EPHA6: variants seen among roughly 807,000 people sequenced by gnomAD.
EPHA6 encodes the protein EPH receptor A6.
In EPHA6, 50 loss-of-function variants were observed where a neutral mutation model predicts 112.0. The observed-to-expected ratio is 0.45, with a 90% CI of 0.36 to 0.56. The LOEUF is 0.56. EPHA6 is among the 20% of genes least tolerant of loss of function. The probability of loss-of-function intolerance (pLI) is 0.00; values close to 1 mark genes in which losing one functional copy is unlikely to be tolerated. For missense variants in EPHA6, 1,280 were observed against 1,417.4 expected (o/e 0.90, Z 1.56); for synonymous variants, 529 against 490.7 (o/e 1.08, Z -1.03).
At chr3:97,725,160 C>T (rs2034705201) in intron 15 of EPHA6, among the ~76,000 whole-genome samples, 1 of 152,132 alleles carries the variant, frequency 6.6e-6, no homozygotes, top group Non-Finnish European at 1.5e-5. Flanking sequence ...ACCTCATTCT[C>T]TCCTACTGCT....
At chr3:96,995,162 G>A (rs1345559583) in intron 3 of EPHA6, among the ~76,000 whole-genome samples, 1 of 151,994 alleles carries the variant, frequency 6.6e-6, no homozygotes, top group East Asian at 1.9e-4. Context: ...ATCCTCTGCT[G>A]CAGTTCAGAA....
intron 14 of EPHA6, among the ~76,000 whole-genome samples, chr3:97,674,184 T>A (rs2031134627): frequency 6.6e-6 from 1 of 152,202 alleles, no homozygotes; most frequent in South Asian, 2.1e-4. Flanking sequence ...AATGCTGTAC[T>A]TGTGTTTCCT....
chr3:97,527,293 G>A (rs955957125), intron 10 of EPHA6, among the ~76,000 whole-genome samples: 3 of 152,106 alleles, frequency 2.0e-5, no homozygotes, highest in African/African-American at 7.2e-5. Flanking sequence ...CTGCCACCTA[G>A]GTGCAGGTCT....
At chr3:97,645,973 G>C (rs1045730893) in intron 14 of EPHA6, 1 of 496,528 alleles carries the variant, frequency 2.0e-6, no homozygotes, top group Non-Finnish European at 3.3e-6. Flanking sequence ...TAAAGGTTGG[G>C]TTTTGTGGGG....
At chr3:97,105,748 G>A (rs1000398646) in intron 3 of EPHA6, among the ~76,000 whole-genome samples, 1 of 152,094 alleles carries the variant, frequency 6.6e-6, no homozygotes, top group African/African-American at 2.4e-5. Flanking sequence ...TACTGCCAGT[G>A]GAATGTTGAA....
intron 14 of EPHA6, among the ~76,000 whole-genome samples, chr3:97,711,963 G>A (rs1431252458): frequency 6.6e-6 from 1 of 152,042 alleles, no homozygotes; most frequent in Non-Finnish European, 1.5e-5. Context: ...ACTCTTTAAT[G>A]TTACACATCA....
chr3:96,992,256 T>G (rs879286923), intron 3 of EPHA6, among the ~76,000 whole-genome samples: 3 of 152,218 alleles, frequency 2.0e-5, no homozygotes, highest in Admixed American at 2.0e-4. Context: ...TAACAATTTC[T>G]TTACTGATCT....
At chr3:97,054,064 C>CT (rs2045772328) in intron 3 of EPHA6, among the ~76,000 whole-genome samples, 1 of 151,696 alleles carries the variant, frequency 6.6e-6, no homozygotes, top group Non-Finnish European at 1.5e-5. Flanking sequence ...TAACCAACAC[C>CT]TAGGGGGCTT....
chr3:97,678,849 G>A (rs190732413), intron 14 of EPHA6, among the ~76,000 whole-genome samples: 2 of 152,098 alleles, frequency 1.3e-5, no homozygotes, highest in Admixed American at 1.3e-4. Flanking sequence ...GTATATTTAT[G>A]CTGCATGAGT....
At chr3:97,488,917 A>C (rs1447936273) in intron 10 of EPHA6, among the ~76,000 whole-genome samples, 2 of 152,228 alleles carry the variant, frequency 1.3e-5, no homozygotes, top group African/African-American at 4.8e-5. Context: ...TGATGTAATA[A>C]AAGATCAGCT....
chr3:97,339,801 C>G (rs1019079409), intron 5 of EPHA6, among the ~76,000 whole-genome samples: 1 of 152,160 alleles, frequency 6.6e-6, no homozygotes, highest in African/African-American at 2.4e-5. Flanking sequence ...GTTTATAACC[C>G]TACACTGAAA....
chr3:97,269,890 T>G (rs2079824377), intron 5 of EPHA6, among the ~76,000 whole-genome samples: 1 of 152,232 alleles, frequency 6.6e-6, no homozygotes, highest in Non-Finnish European at 1.5e-5. Flanking sequence ...GTGGTTGAAG[T>G]AATAGAAGAA....
intron 16 of EPHA6, among the ~76,000 whole-genome samples, chr3:97,737,488 C>A (rs190731351): frequency 2.6e-5 from 4 of 151,640 alleles, no homozygotes; most frequent in Middle Eastern, 3.4e-3. Context: ...TTAGGAAAAC[C>A]AATGCATCTT....
At chr3:97,258,563 G>A (rs527460409) in intron 5 of EPHA6, among the ~76,000 whole-genome samples, 6 of 151,984 alleles carry the variant, frequency 3.9e-5, no homozygotes, top group Non-Finnish European at 8.8e-5. Flanking sequence ...CATATACTGT[G>A]TACATAGTTT....
chr3:97,086,927 C>G (rs2046921713), intron 3 of EPHA6, among the ~76,000 whole-genome samples: 2 of 151,948 alleles, frequency 1.3e-5, no homozygotes, highest in South Asian at 4.2e-4. Flanking sequence ...AAATCATATG[C>G]AATTATCAGT....
At chr3:96,981,303 A>T (rs184467197) in intron 2 of EPHA6, among the ~76,000 whole-genome samples, 10 of 152,266 alleles carry the variant, frequency 6.6e-5, no homozygotes, top group Admixed American at 2.6e-4. Flanking sequence ...ATCTATTGAG[A>T]TAATCATGTG....
At chr3:96,831,795 A>ATAT (rs2034100510) in intron 1 of EPHA6, among the ~76,000 whole-genome samples, 1 of 152,098 alleles carries the variant, frequency 6.6e-6, no homozygotes, top group Non-Finnish European at 1.5e-5. Context: ...TACTTATAAG[A>ATAT]TATTAGATAG....
chr3:97,561,955 A>C (rs539438406), intron 11 of EPHA6, among the ~76,000 whole-genome samples: 2 of 152,280 alleles, frequency 1.3e-5, no homozygotes, highest in Non-Finnish European at 2.9e-5. Context: ...CAAAGCTTGC[A>C]TGACAGCACA....
chr3:97,522,971 T>C (rs2092566911), intron 10 of EPHA6, among the ~76,000 whole-genome samples: 1 of 152,106 alleles, frequency 6.6e-6, no homozygotes, highest in Non-Finnish European at 1.5e-5. Flanking sequence ...TTTCCTTATC[T>C]TTTCAAAAGA....
Sources: allele counts gnomAD v4.1 joint callset (sites outside exome capture counted in the v4.1 genomes callset), GRCh38; gene constraint gnomAD v4.1.1; transcripts MANE v1.5; gene names NCBI Gene and HGNC (gene_info 2026-07-23, HGNC 2026-07-21).